MARCHF1: variants seen among roughly 807,000 people sequenced by gnomAD.
MARCHF1 encodes the protein E3 ubiquitin-protein ligase MARCHF1.
A neutral mutation model predicts 54.2 loss-of-function variants in MARCHF1; 40 were observed. That is an observed-to-expected ratio of 0.74 (90% CI 0.57 to 0.96). The LOEUF (loss-of-function observed/expected upper bound fraction) is 0.96. MARCHF1 is among the 40% of genes least tolerant of loss of function. The pLI is 0.00. For synonymous variants in MARCHF1, 236 were observed against 236.3 expected, an observed-to-expected ratio of 1.00 and a Z score of 0.01; for missense variants, 586 against 656.5, an observed-to-expected ratio of 0.89 and a Z score of 1.17.
intron 1 of MARCHF1, among the ~76,000 whole-genome samples, chr4:164,220,585 A>C (rs930128594): frequency 1.3e-4 from 17 of 128,982 alleles, no homozygotes; most frequent in South Asian, 4.9e-4. Context: ...AATACATATG[A>C]TATATGTATA....
chr4:164,305,915 G>A (rs1430654160), intron 1 of MARCHF1, among the ~76,000 whole-genome samples: 1 of 151,888 alleles, frequency 6.6e-6, no homozygotes, highest in Non-Finnish European at 1.5e-5. Context: ...AAAATTAAAG[G>A]GAAAAGTCAC....
At chr4:163,612,121 A>T (rs1579111703) in intron 7 of MARCHF1, 150 bp downstream of exon 7, 1 of 676,340 alleles carries the variant, frequency 1.5e-6, no homozygotes, top group African/African-American at 1.9e-5. Context: ...TATTCTTTTC[A>T]TACCCACCTT....
intron 1 of MARCHF1, among the ~76,000 whole-genome samples, chr4:164,343,221 T>A (rs914529461): frequency 6.6e-6 from 1 of 152,194 alleles, no homozygotes; most frequent in Non-Finnish European, 1.5e-5. Context: ...TCACAATGTA[T>A]ACATATATCA....
intron 7 of MARCHF1, among the ~76,000 whole-genome samples, chr4:163,588,628 T>TAACA (rs1395182298): frequency 6.6e-6 from 1 of 152,172 alleles, no homozygotes; most frequent in Non-Finnish European, 1.5e-5. Flanking sequence ...GTCAGTAAAC[T>TAACA]AACACCCAAT....
chr4:164,296,418 G>T (rs1359194890), intron 1 of MARCHF1, among the ~76,000 whole-genome samples: 1 of 152,048 alleles, frequency 6.6e-6, no homozygotes, highest in Non-Finnish European at 1.5e-5. Context: ...TGTCACCCAG[G>T]CTGGAGTGCA....
At chr4:164,350,144 G>C (rs1203930301) in intron 1 of MARCHF1, among the ~76,000 whole-genome samples, 4 of 152,102 alleles carry the variant, frequency 2.6e-5, no homozygotes, top group African/African-American at 9.7e-5. Context: ...AAAAGAAAAA[G>C]ATGCTTTACT....
intron 1 of MARCHF1, among the ~76,000 whole-genome samples, chr4:164,140,218 ATATATACACATACACACACAC>A (rs1756495373): frequency 8.3e-6 from 1 of 120,606 alleles, no homozygotes; most frequent in Admixed American, 9.9e-5. Flanking sequence ...CACACACACT[ATATATACACATACACACACAC>A]TATATATATA....
intron 1 of MARCHF1, among the ~76,000 whole-genome samples, chr4:164,293,867 T>C (rs1734346761): frequency 6.6e-6 from 1 of 152,322 alleles, no homozygotes; most frequent in African/African-American, 2.4e-5. Flanking sequence ...GATTGAAGGA[T>C]GCAAAGTTTC....
intron 1 of MARCHF1, among the ~76,000 whole-genome samples, chr4:164,173,198 G>A (rs192709753): frequency 3.3e-5 from 5 of 152,126 alleles, no homozygotes; most frequent in Admixed American, 2.6e-4. Context: ...ATTTTGTCCC[G>A]GAAAATAATT....
At position 164,176,966 on chromosome 4, in the gene MARCHF1, CTCTCTCTCTCTCTCTA is replaced by C. The variant is rs1355130160; in HGVS notation, c.-322-65320_-322-65305del. Among the ~76,000 whole-genome samples the C allele has an allele frequency of 2.4e-3, 112 of 46,710 alleles. 3 individuals are homozygous for C. The highest frequency in any genetic ancestry group is 0.011 in the African/African-American group (104 of 9,428). 30.6% of individuals were successfully genotyped at this position (46,710 alleles called of 152,430 possible). A position where few individuals can be genotyped will look rare whatever the true frequency, so the allele number is the denominator to read the frequency against. ...GCTCTCTCTCTCTCTCTCTCTCTCTCTCTCTCTCTCTCTCTATATATATATATATATATATATATAT... is the reference window on the plus strand; with the variant it reads ...GCTCTCTCTCTCTCTCTCTCTCTCTCTATATATATATATATATATATATAT... On this transcript the variant is annotated intron_variant, in intron 1 of 9. Coordinates refer to ENST00000514618, the MANE Select transcript of MARCHF1 (RefSeq NM_001394959.1).
intron 4 of MARCHF1, among the ~76,000 whole-genome samples, chr4:163,748,542 A>G (rs1746427147): frequency 6.6e-6 from 1 of 152,218 alleles, no homozygotes; most frequent in South Asian, 2.1e-4. Flanking sequence ...AACAGGGAAG[A>G]GCTTACTGCA....
At chr4:164,004,516 T>C (rs1286143628) in intron 2 of MARCHF1, among the ~76,000 whole-genome samples, 2 of 151,800 alleles carry the variant, frequency 1.3e-5, no homozygotes, top group Non-Finnish European at 2.9e-5. Context: ...GTCAACCAAT[T>C]CCACCCAATG....
intron 1 of MARCHF1, among the ~76,000 whole-genome samples, chr4:164,363,460 T>C (rs1730784585): frequency 6.6e-6 from 1 of 152,112 alleles, no homozygotes; most frequent in African/African-American, 2.4e-5. Context: ...AAACTATAAC[T>C]GGCAGATTTT....
intron 1 of MARCHF1, among the ~76,000 whole-genome samples, chr4:164,218,985 T>C (rs1732013314): frequency 6.6e-6 from 1 of 152,178 alleles, no homozygotes; most frequent in East Asian, 1.9e-4. Context: ...CAAGGATATG[T>C]AAACAGTATT....
chr4:164,322,771 G>A (rs1288502898), intron 1 of MARCHF1, among the ~76,000 whole-genome samples: 1 of 151,952 alleles, frequency 6.6e-6, no homozygotes, highest in Non-Finnish European at 1.5e-5. Context: ...GTGTATAAAT[G>A]AAGACAGAAA....
intron 9 of MARCHF1, among the ~76,000 whole-genome samples, chr4:163,537,655 C>T (rs1402883052): frequency 2.0e-5 from 3 of 152,144 alleles, no homozygotes; most frequent in Admixed American, 6.5e-5. Context: ...ACCTCTCAAG[C>T]ATTAAGGGGA....
At chr4:163,895,237 A>T (rs1439619410) in intron 3 of MARCHF1, among the ~76,000 whole-genome samples, 2 of 152,216 alleles carry the variant, frequency 1.3e-5, no homozygotes, top group Admixed American at 1.3e-4. Context: ...TCTAATGATT[A>T]AGATGTCTAT....
chr4:163,972,867 T>C (rs764439799), intron 3 of MARCHF1, among the ~76,000 whole-genome samples: 8 of 152,146 alleles, frequency 5.3e-5, no homozygotes, highest in Non-Finnish European at 1.0e-4. Context: ...TTAATGTATA[T>C]GTTTAAAAGC....
At chr4:164,008,266 G>C (rs1208611089) in intron 2 of MARCHF1, among the ~76,000 whole-genome samples, 2 of 152,102 alleles carry the variant, frequency 1.3e-5, no homozygotes, top group African/African-American at 2.4e-5. Flanking sequence ...AAAAGGGTTA[G>C]TTCAACAACA....
Sources: allele counts gnomAD v4.1 joint callset (sites outside exome capture counted in the v4.1 genomes callset), GRCh38; gene constraint gnomAD v4.1.1; transcripts MANE v1.5; gene names NCBI Gene and HGNC (gene_info 2026-07-23, HGNC 2026-07-21).